GNG11: variants seen among roughly 807,000 people sequenced by gnomAD.
GNG11 encodes the protein guanine nucleotide-binding protein G(I)/G(S)/G(O) subunit gamma-11.
GNG11 carries 6 observed loss-of-function variants against 7.4 expected under a neutral mutation model. The ratio of observed to expected loss-of-function variants is 0.81; its 90% CI spans 0.44 to 1.60. GNG11 has a LOEUF of 1.60. Ranked by LOEUF, GNG11 falls within the 40% of genes most tolerant of loss-of-function variation. GNG11 has a pLI of 0.01. For missense variants in GNG11, 65 were observed against 83.0 expected (o/e 0.78, Z 0.84); for synonymous variants, 31 against 25.9 (o/e 1.20, Z -0.60).
At position 93,922,090 on chromosome 7, in the gene GNG11, C is replaced by T; in HGVS notation, c.-48C>T. ...GACGCGCCGAGCTTCGCCGCTCTTC[C>T]AGCGGCTCCGCTGCCAGAGCTAGCC... is the stretch of plus-strand genomic sequence containing the variant. On this transcript the variant is annotated 5_prime_UTR_variant, in exon 1 of 2. Coordinates refer to ENST00000248564, the MANE Select transcript of GNG11 (RefSeq NM_004126.4). The T allele has an allele frequency of 1.6e-6, 2 of 1,248,218 alleles. No individual in the cohort carries two copies. Among genetic ancestry groups the T allele is most frequent in the Non-Finnish European group, 2.2e-6 (2 of 891,496 alleles). The allele number at this position is 1,248,218 out of a possible 1,614,324, so 77.3% of individuals were successfully genotyped here.
Position 93,923,434 on chromosome 7 carries a change from G to A in GNG11, c.96+1201G>A, listed in dbSNP as rs376446119. On this transcript the variant is annotated intron_variant, in intron 1 of 1. Coordinates refer to ENST00000248564, the MANE Select transcript of GNG11 (RefSeq NM_004126.4). ...TTTGTAGCTTTAAAAACACCAACGC[G>A]TTTAAAGGGGAAAAAAAGGAAGTTA... Among the ~76,000 whole-genome samples, 5 of 152,078 alleles carry A rather than the reference G, an allele frequency of 3.3e-5. No individual in the cohort carries two copies. The East Asian group carries it at 5.8e-4, about 18-fold the overall frequency.
chr7:93,923,818 T>C (rs1794644859), intron 1 of GNG11, among the ~76,000 whole-genome samples: 1 of 152,192 alleles, frequency 6.6e-6, no homozygotes, highest in Admixed American at 6.5e-5. Context: ...GCCTGTGGCA[T>C]CAACTTCCCA....
intron 1 of GNG11, among the ~76,000 whole-genome samples, chr7:93,924,884 G>A (rs542788311): frequency 2.0e-4 from 30 of 152,318 alleles, no homozygotes; most frequent in Non-Finnish European, 4.0e-4. Context: ...TGCTGGTGCG[G>A]CCTGGCGCGG....
chr7:93,921,945 GCA>G lies in GNG11; in HGVS notation c.-191_-190del, dbSNP rs1315137567. 2.1e-6 allele frequency: 1 copy of G among 467,982 alleles called. No individual in the cohort carries two copies. Among genetic ancestry groups the G allele is most frequent in the Non-Finnish European group, 3.9e-6 (1 of 255,318 alleles). The allele number at this position is 467,982 out of a possible 1,614,324, so 29.0% of individuals were successfully genotyped here. ...AGTTCTCAGGTCCTAGGAAGCTGGG[GCA>G]CGCTGGCGTGACAAGCGTCCCGGAG... On this transcript the variant is annotated 5_prime_UTR_variant, in exon 1 of 2. Transcript: ENST00000248564.
rs571464077 is a variant in GNG11, at chr7:93,927,877, C to A, written c.*1661C>A. On this transcript the variant is annotated 3_prime_UTR_variant, in exon 2 of 2. Transcript: ENST00000248564. ...GGAAGGAGTAGTATGATCTACTACT[C>A]TTAGGAAGGATTTAGGAATAGTAAA... 2.0e-4 allele frequency: 31 copies of A among 152,116 alleles called. No individual in the cohort carries two copies. The highest frequency in any genetic ancestry group is 1.2e-3 in the Admixed American group (18 of 15,276). The allele number at this position is 152,116 out of a possible 1,614,324, so 9.4% of individuals were successfully genotyped here. A position where few individuals can be genotyped will look rare whatever the true frequency, so the allele number is the denominator to read the frequency against.
intron 1 of GNG11, among the ~76,000 whole-genome samples, chr7:93,925,569 G>A (rs1230506209): frequency 1.3e-5 from 2 of 152,096 alleles, no homozygotes; most frequent in African/African-American, 4.8e-5. Context: ...CTATCATTTC[G>A]TGAAATTTCA....
rs891363857 is a variant in GNG11 at position 93,927,243 on chromosome 7, T to C, written c.*1027T>C. ...TTTGGTGATATGTGTTGCGAATACCTTCTCCCAGTCTGTGGCTTACCTTTT... is the reference window on the plus strand; with the variant it reads ...TTTGGTGATATGTGTTGCGAATACCCTCTCCCAGTCTGTGGCTTACCTTTT... On this transcript the variant is annotated 3_prime_UTR_variant, in exon 2 of 2. Coordinates refer to ENST00000248564, the MANE Select transcript of GNG11 (RefSeq NM_004126.4). 3.3e-5 allele frequency: 5 copies of C among 152,272 alleles called. No homozygotes were observed. Among genetic ancestry groups the C allele is most frequent in the Admixed American group, 2.0e-4 (3 of 15,290 alleles). 9.4% of individuals were successfully genotyped at this position (152,272 alleles called of 1,614,324 possible). A position where few individuals can be genotyped will look rare whatever the true frequency, so the allele number is the denominator to read the frequency against.
At chr7:93,924,605 T>TG (rs1794651466) in intron 1 of GNG11, among the ~76,000 whole-genome samples, 1 of 152,254 alleles carries the variant, frequency 6.6e-6, no homozygotes, top group Admixed American at 6.5e-5. Flanking sequence ...GATAATCATT[T>TG]GGGGTGTGGA....
chr7:93,922,091 A>G lies in GNG11; in HGVS notation c.-47A>G, dbSNP rs570664184. The G allele has an allele frequency of 5.6e-5, 71 of 1,256,846 alleles. 1 individual carries two copies. In the South Asian group the frequency reaches 9.3e-4, roughly 17 times the overall value. 77.9% of individuals were successfully genotyped at this position (1,256,846 alleles called of 1,614,324 possible). On this transcript the variant is annotated 5_prime_UTR_variant, in exon 1 of 2. Coordinates refer to ENST00000248564, the MANE Select transcript of GNG11 (RefSeq NM_004126.4). Reference sequence around the variant, plus strand: ...ACGCGCCGAGCTTCGCCGCTCTTCCAGCGGCTCCGCTGCCAGAGCTAGCCC... The same window carrying G: ...ACGCGCCGAGCTTCGCCGCTCTTCCGGCGGCTCCGCTGCCAGAGCTAGCCC...
chr7:93,924,743 A>G (rs183563469), intron 1 of GNG11, among the ~76,000 whole-genome samples: 54 of 152,370 alleles, frequency 3.5e-4, no homozygotes, highest in African/African-American at 1.3e-3. Flanking sequence ...GTAGTTAAAA[A>G]TTATATTCAT....
chr7:93,926,224 G>A lies in GNG11; in HGVS notation c.*8G>A. Reference sequence around the variant, plus strand: ...AGCTGTGTTATTTCATAAATAACTTGGGAGAAACTGCATCCTAAGTGGAAG... The same window carrying A: ...AGCTGTGTTATTTCATAAATAACTTAGGAGAAACTGCATCCTAAGTGGAAG... On this transcript the variant is annotated 3_prime_UTR_variant, in exon 2 of 2. Transcript: ENST00000248564. The A allele has an allele frequency of 1.3e-6, 2 of 1,561,724 alleles. No individual in the cohort carries two copies. Among genetic ancestry groups the A allele is most frequent in the Non-Finnish European group, 1.7e-6 (2 of 1,158,598 alleles).
chr7:93,923,022 A>G (rs903378554), intron 1 of GNG11, among the ~76,000 whole-genome samples: 3 of 152,226 alleles, frequency 2.0e-5, no homozygotes, highest in Non-Finnish European at 4.4e-5. Context: ...ACCTTCCTTC[A>G]GACACTAATC....
In GNG11 at chr7:93,928,487, T is replaced by C. The variant is rs915552577; in HGVS notation, c.*2271T>C. On this transcript the variant is annotated 3_prime_UTR_variant, in exon 2 of 2. Coordinates refer to ENST00000248564, the MANE Select transcript of GNG11 (RefSeq NM_004126.4). ...AATACATCCACTATATATTTAGATA[T>C]ATTGTAAATGTAACCTTTGGTGACT... is the stretch of plus-strand genomic sequence containing the variant. 6.6e-6 allele frequency: 1 copy of C among 152,262 alleles called. No individual in the cohort carries two copies. The highest frequency in any genetic ancestry group is 1.5e-5 in the Non-Finnish European group (1 of 68,038). 9.4% of individuals were successfully genotyped at this position (152,262 alleles called of 1,614,324 possible).
chr7:93,928,259 C>T lies in GNG11; in HGVS notation c.*2043C>T, dbSNP rs1009129770. ...CTTTTGCTCTTCATGTCTCTTTCAACCATATGATCAATCAGTTGGACGACT... is the reference window on the plus strand; with the variant it reads ...CTTTTGCTCTTCATGTCTCTTTCAATCATATGATCAATCAGTTGGACGACT... On this transcript the variant is annotated 3_prime_UTR_variant, in exon 2 of 2. Coordinates refer to ENST00000248564, the MANE Select transcript of GNG11 (RefSeq NM_004126.4). 1 of 152,148 alleles carries T rather than the reference C, an allele frequency of 6.6e-6. No homozygotes were observed. The highest frequency in any genetic ancestry group is 1.5e-5 in the Non-Finnish European group (1 of 68,028). The allele number at this position is 152,148 out of a possible 1,614,324, so 9.4% of individuals were successfully genotyped here.
intron 1 of GNG11, among the ~76,000 whole-genome samples, chr7:93,924,265 A>C (rs1006560592): frequency 1.3e-5 from 2 of 152,226 alleles, no homozygotes; most frequent in African/African-American, 2.4e-5. Context: ...TATGGAAGGA[A>C]ATGTATCAGA....
In GNG11 at chr7:93,922,134, G is replaced by T; in HGVS notation, c.-4G>T. The T allele has an allele frequency of 6.3e-7, 1 of 1,581,424 alleles. No individual in the cohort carries two copies. The highest frequency in any genetic ancestry group is 8.6e-7 in the Non-Finnish European group (1 of 1,156,800). Reference sequence around the variant, plus strand: ...GCTAGCCCGAGCCCGGTTCTGGGGCGAAAATGCCTGCCCTTCACATCGAAG... The same window carrying T: ...GCTAGCCCGAGCCCGGTTCTGGGGCTAAAATGCCTGCCCTTCACATCGAAG... On this transcript the variant is annotated 5_prime_UTR_variant, in exon 1 of 2. Transcript: ENST00000248564.
rs4262 is a variant in GNG11 at position 93,922,116 on chromosome 7, C to T, written c.-22C>T. The T allele has an allele frequency of 0.59, 888,290 of 1,514,742 alleles. 264,399 individuals carry two copies. Among genetic ancestry groups the T allele is most frequent in the East Asian group, 0.79 (33,873 of 42,894 alleles). The allele number at this position is 1,514,742 out of a possible 1,614,324, so 93.8% of individuals were successfully genotyped here. A position where few individuals can be genotyped will look rare whatever the true frequency, so the allele number is the denominator to read the frequency against. Reference sequence around the variant, plus strand: ...AGCGGCTCCGCTGCCAGAGCTAGCCCGAGCCCGGTTCTGGGGCGAAAATGC... The same window carrying T: ...AGCGGCTCCGCTGCCAGAGCTAGCCTGAGCCCGGTTCTGGGGCGAAAATGC... On this transcript the variant is annotated 5_prime_UTR_variant, in exon 1 of 2. Transcript: ENST00000248564.
At chr7:93,924,679 T>A (rs935178368) in intron 1 of GNG11, among the ~76,000 whole-genome samples, 1 of 152,242 alleles carries the variant, frequency 6.6e-6, no homozygotes, top group Non-Finnish European at 1.5e-5. Context: ...AATTTCCAGT[T>A]TATGTTTTAT....
At chr7:93,925,833 C>T (rs145393690) in intron 1 of GNG11, among the ~76,000 whole-genome samples, 10 of 151,920 alleles carry the variant, frequency 6.6e-5, no homozygotes, top group East Asian at 1.9e-4. Flanking sequence ...ATTTGACCAA[C>T]GACCAACAGT....
Sources: allele counts gnomAD v4.1 joint callset (sites outside exome capture counted in the v4.1 genomes callset), GRCh38; gene constraint gnomAD v4.1.1; transcripts MANE v1.5; gene names NCBI Gene and HGNC (gene_info 2026-07-23, HGNC 2026-07-21).